Variants in LRRC4C observed in about 807,000 individuals in gnomAD.
LRRC4C encodes the protein leucine-rich repeat-containing protein 4C.
LRRC4C carries 5 observed loss-of-function variants against 33.6 expected under a neutral mutation model. The ratio of observed to expected loss-of-function variants is 0.15; its 90% CI spans 0.08 to 0.31. The LOEUF is 0.31. Ranked by LOEUF, LRRC4C falls within the 10% of genes least tolerant of loss-of-function variation. The pLI is 1.00. For synonymous variants in LRRC4C, 329 were observed against 302.0 expected (o/e 1.09, Z -0.93); for missense variants, 560 against 796.7 (o/e 0.70, Z 3.58).
intron 1 of LRRC4C, among the ~76,000 whole-genome samples, chr11:40,983,371 G>T (rs71484127): frequency 0.014 from 2,068 of 152,098 alleles, 28 homozygotes; most frequent in Non-Finnish European, 0.023. Context: ...AACTCAAAAT[G>T]GATTAAAGAC....
chr11:40,289,297 T>C (rs1364286995), intron 4 of LRRC4C, among the ~76,000 whole-genome samples: 2 of 152,174 alleles, frequency 1.3e-5, no homozygotes, highest in African/African-American at 4.8e-5. Context: ...CTATTATGCT[T>C]GCAGCTTTGC....
At chr11:41,254,755 A>G (rs1948746505) in intron 1 of LRRC4C, among the ~76,000 whole-genome samples, 1 of 152,062 alleles carries the variant, frequency 6.6e-6, no homozygotes. Flanking sequence ...GCTCCATGGC[A>G]TAGAATTTTC....
chr11:41,147,193 G>GT (rs1307897700), intron 1 of LRRC4C, among the ~76,000 whole-genome samples: 1 of 152,114 alleles, frequency 6.6e-6, no homozygotes, highest in Admixed American at 6.6e-5. Context: ...TCTGAGTTGA[G>GT]TGTTAACTAT....
At chr11:40,990,231 TTA>T (rs761772952) in intron 1 of LRRC4C, among the ~76,000 whole-genome samples, 9,431 of 77,792 alleles carry the variant, frequency 0.12, 331 homozygotes, top group East Asian at 0.17. Context: ...ATGTCAAGTT[TTA>T]TATATATATA....
At chr11:40,632,369 T>C (rs570003331) in intron 3 of LRRC4C, among the ~76,000 whole-genome samples, 2 of 152,308 alleles carry the variant, frequency 1.3e-5, no homozygotes, top group South Asian at 4.1e-4. Context: ...CGGAACTCAA[T>C]CAAAGCTTCT....
chr11:40,217,430 G>A (rs1230114217), intron 5 of LRRC4C, among the ~76,000 whole-genome samples: 1 of 151,988 alleles, frequency 6.6e-6, no homozygotes, highest in Non-Finnish European at 1.5e-5. Context: ...TAACAAAAAA[G>A]ACATAGATTT....
intron 1 of LRRC4C, among the ~76,000 whole-genome samples, chr11:41,167,794 T>C (rs1944795872): frequency 6.6e-6 from 1 of 152,172 alleles, no homozygotes; most frequent in Non-Finnish European, 1.5e-5. Flanking sequence ...GATGCTCTCC[T>C]GCAATGAATT....
chr11:40,150,121 C>T (rs1013819845), intron 5 of LRRC4C, among the ~76,000 whole-genome samples: 1 of 152,136 alleles, frequency 6.6e-6, no homozygotes, highest in Non-Finnish European at 1.5e-5. Context: ...CATTCTCTTT[C>T]TTTACCCCCA....
chr11:40,945,030 T>TC (rs1269808765), intron 1 of LRRC4C, among the ~76,000 whole-genome samples: 2 of 146,268 alleles, frequency 1.4e-5, no homozygotes, highest in African/African-American at 5.1e-5. Context: ...TTTCTTTTTT[T>TC]TTTTTTTTTT....
intron 3 of LRRC4C, among the ~76,000 whole-genome samples, chr11:40,408,540 TAG>T (rs1950043396): frequency 6.6e-6 from 1 of 151,902 alleles, no homozygotes; most frequent in Non-Finnish European, 1.5e-5. Flanking sequence ...TAGAAAAGGA[TAG>T]AGGTTAAGTC....
At chr11:40,213,641 T>A (rs1863770162) in intron 5 of LRRC4C, among the ~76,000 whole-genome samples, 1 of 152,174 alleles carries the variant, frequency 6.6e-6, no homozygotes, top group Non-Finnish European at 1.5e-5. Context: ...TATACACGTA[T>A]GTAGTAGATA....
At chr11:40,357,987 A>G (rs1168608403) in intron 3 of LRRC4C, among the ~76,000 whole-genome samples, 1 of 152,106 alleles carries the variant, frequency 6.6e-6, no homozygotes, top group Non-Finnish European at 1.5e-5. Flanking sequence ...GATCAAGACC[A>G]TCCTGGCCAA....
At chr11:40,693,697 A>G in intron 2 of LRRC4C, among the ~76,000 whole-genome samples, 1 of 152,102 alleles carries the variant, frequency 6.6e-6, no homozygotes, top group Non-Finnish European at 1.5e-5. Context: ...ACATAGCAAG[A>G]GGCACAGCAA....
chr11:41,250,270 G>A (rs1948597694), intron 1 of LRRC4C, among the ~76,000 whole-genome samples: 1 of 152,100 alleles, frequency 6.6e-6, no homozygotes, highest in African/African-American at 2.4e-5. Flanking sequence ...AAAAGTTAGT[G>A]GAATCAACAA....
chr11:41,035,891 A>G (rs188097779), intron 1 of LRRC4C, among the ~76,000 whole-genome samples: 1 of 152,276 alleles, frequency 6.6e-6, no homozygotes, highest in Admixed American at 6.5e-5. Context: ...GCAGAAAGAC[A>G]AAATATTTAC....
At chr11:40,749,567 A>C (rs1948587932) in intron 2 of LRRC4C, among the ~76,000 whole-genome samples, 1 of 151,882 alleles carries the variant, frequency 6.6e-6, no homozygotes, top group Non-Finnish European at 1.5e-5. Flanking sequence ...TCAATAAATT[A>C]GAAAAGCAAG....
intron 1 of LRRC4C, among the ~76,000 whole-genome samples, chr11:41,370,972 T>C (rs1466749423): frequency 6.6e-6 from 1 of 152,200 alleles, no homozygotes; most frequent in Admixed American, 6.5e-5. Flanking sequence ...ACTAAAATGT[T>C]TGTGCTTGTT....
At chr11:40,747,134 C>T (rs1948467234) in intron 2 of LRRC4C, among the ~76,000 whole-genome samples, 1 of 151,964 alleles carries the variant, frequency 6.6e-6, no homozygotes, top group Middle Eastern at 3.4e-3. Flanking sequence ...TTGTTGCCAC[C>T]ACTGGGGCCC....
chr11:40,635,228 G>A (rs1963846920), intron 3 of LRRC4C, among the ~76,000 whole-genome samples: 1 of 152,054 alleles, frequency 6.6e-6, no homozygotes, highest in Non-Finnish European at 1.5e-5. Flanking sequence ...TCTCAACCTC[G>A]ACCTCCAGTA....
Sources: allele counts gnomAD v4.1 joint callset (sites outside exome capture counted in the v4.1 genomes callset), GRCh38; gene constraint gnomAD v4.1.1; transcripts MANE v1.5; gene names NCBI Gene and HGNC (gene_info 2026-07-23, HGNC 2026-07-21).